DLG2: variants seen among roughly 807,000 people sequenced by gnomAD.
DLG2 encodes the protein disks large homolog 2.
A neutral mutation model predicts 132.5 loss-of-function variants in DLG2; 45 were observed. The observed-to-expected ratio is 0.34, with a 90% CI of 0.27 to 0.44. DLG2 has a LOEUF of 0.44. DLG2 is among the 20% of genes least tolerant of loss of function. DLG2 has a pLI of 1.00. For missense variants in DLG2, 1,045 were observed against 1,196.9 expected, an observed-to-expected ratio of 0.87 and a Z score of 1.87; for synonymous variants, 424 against 419.6, an observed-to-expected ratio of 1.01 and a Z score of -0.13.
chr11:84,315,606 A>G (rs1399852513), intron 7 of DLG2, among the ~76,000 whole-genome samples: 3 of 152,144 alleles, frequency 2.0e-5, no homozygotes, highest in African/African-American at 7.2e-5. Flanking sequence ...TAATAACTGC[A>G]TTTCTAAATG....
chr11:84,540,311 C>T (rs1391440068), intron 6 of DLG2, among the ~76,000 whole-genome samples: 2 of 151,250 alleles, frequency 1.3e-5, no homozygotes, highest in African/African-American at 2.4e-5. Flanking sequence ...GGGCTAATAT[C>T]CAGAATCCAC....
In DLG2 at chr11:83,770,755, T is replaced by C. The variant is rs77140458; in HGVS notation, c.1825+15935A>G. ...GTAAAATTTTACTTTTTATTTTTGG[T>C]TTATAGTTAAGAAAGTCAAAGATGG... On this transcript the variant is annotated intron_variant, in intron 18 of 27. Transcript: ENST00000376104. Among the ~76,000 whole-genome samples the C allele has an allele frequency of 7.4e-3, 1,128 of 152,294 alleles. 10 individuals are homozygous for C. Among genetic ancestry groups the C allele is most frequent in the African/African-American group, 0.025 (1,046 of 41,544 alleles).
intron 8 of DLG2, among the ~76,000 whole-genome samples, chr11:84,213,531 T>C (rs538793518): frequency 4.9e-4 from 75 of 151,906 alleles, no homozygotes; most frequent in Non-Finnish European, 8.4e-4. Context: ...TTAGAATGTA[T>C]GTAAGAGGCC....
intron 3 of DLG2, among the ~76,000 whole-genome samples, chr11:85,566,351 C>A (rs2077524511): frequency 6.6e-6 from 1 of 152,022 alleles, no homozygotes; most frequent in East Asian, 1.9e-4. Context: ...TCTCTTCTTT[C>A]TTTTCCTGCT....
rs577421496 is a variant in DLG2, at chr11:84,425,178, T to C, written c.519+109392A>G. 2.6e-5 allele frequency among the ~76,000 whole-genome samples: 4 copies of C among 152,208 alleles called. No individual in the cohort carries two copies. The South Asian group carries it at 8.3e-4, about 32-fold the overall frequency. On this transcript the variant is annotated intron_variant, in intron 7 of 27. Coordinates refer to ENST00000376104, the MANE Select transcript of DLG2 (RefSeq NM_001142699.3). ...AAGGGGCAAATGAGTATTTGTTGAATTGTTAATTGACTTCAAAGGCTGCAG... is the reference window on the plus strand; with the variant it reads ...AAGGGGCAAATGAGTATTTGTTGAACTGTTAATTGACTTCAAAGGCTGCAG...
At chr11:85,007,442 C>T (rs533234820) in intron 6 of DLG2, among the ~76,000 whole-genome samples, 110 of 151,762 alleles carry the variant, frequency 7.2e-4, no homozygotes, top group African/African-American at 2.4e-3. Context: ...GGGTGGATCA[C>T]GAGGTCAGGA....
At chr11:83,831,065 T>C (rs2054355107) in intron 17 of DLG2, among the ~76,000 whole-genome samples, 1 of 152,240 alleles carries the variant, frequency 6.6e-6, no homozygotes, top group Non-Finnish European at 1.5e-5. Context: ...CACTTTTTCA[T>C]TCGATAAACA....
chr11:85,112,795 G>A (rs776260923), intron 5 of DLG2, among the ~76,000 whole-genome samples: 22 of 152,114 alleles, frequency 1.4e-4, no homozygotes, highest in Non-Finnish European at 2.9e-4. Context: ...GCTGACTCTG[G>A]TGCCCATGTA....
intron 6 of DLG2, among the ~76,000 whole-genome samples, chr11:84,812,210 A>C (rs1168514582): frequency 1.3e-5 from 2 of 152,178 alleles, no homozygotes; most frequent in African/African-American, 4.8e-5. Flanking sequence ...AATGTACTTA[A>C]ATCTTTCTCA....
intron 19 of DLG2, among the ~76,000 whole-genome samples, chr11:83,577,451 C>T (rs1199120256): frequency 1.6e-5 from 2 of 126,704 alleles, no homozygotes; most frequent in Non-Finnish European, 3.1e-5. Context: ...TATATAGGAA[C>T]TAATAGGATA....
chr11:85,151,103 A>T (rs900237861), intron 5 of DLG2, among the ~76,000 whole-genome samples: 2 of 152,072 alleles, frequency 1.3e-5, no homozygotes, highest in African/African-American at 4.8e-5. Context: ...TTTGATTGGC[A>T]TTTCCCTCAT....
At chr11:84,414,262 T>A (rs1465627225) in intron 7 of DLG2, among the ~76,000 whole-genome samples, 3 of 152,248 alleles carry the variant, frequency 2.0e-5, no homozygotes, top group African/African-American at 7.2e-5. Context: ...TGTTATCATT[T>A]TATTATAATC....
intron 4 of DLG2, among the ~76,000 whole-genome samples, chr11:85,155,048 C>T (rs2077502285): frequency 6.6e-6 from 1 of 152,226 alleles, no homozygotes; most frequent in South Asian, 2.1e-4. Flanking sequence ...TCAGAACTAG[C>T]AGTGGCATTG....
At chr11:83,790,476 A>G in intron 17 of DLG2, 1 of 1,218,930 alleles carries the variant, frequency 8.2e-7, no homozygotes. Context: ...GCTTGTCACT[A>G]CCATGGGACC....
At chr11:83,475,391 T>C (rs557022213) in intron 22 of DLG2, among the ~76,000 whole-genome samples, 1 of 152,206 alleles carries the variant, frequency 6.6e-6, no homozygotes, top group East Asian at 1.9e-4. Flanking sequence ...TTGAGGTAGG[T>C]ACTCTGATGA....
At chr11:85,441,588 C>T (rs1328738334) in intron 3 of DLG2, among the ~76,000 whole-genome samples, 2 of 152,094 alleles carry the variant, frequency 1.3e-5, no homozygotes, top group Non-Finnish European at 2.9e-5. Flanking sequence ...ATATGTTAAG[C>T]TCTGAATATA....
intron 6 of DLG2, among the ~76,000 whole-genome samples, chr11:85,006,092 T>C (rs943525798): frequency 1.3e-5 from 2 of 152,220 alleles, no homozygotes; most frequent in Non-Finnish European, 2.9e-5. Flanking sequence ...TCTTGGTGGA[T>C]AAGCTTTTTT....
At chr11:84,439,500 C>G (rs889371577) in intron 7 of DLG2, among the ~76,000 whole-genome samples, 3 of 152,162 alleles carry the variant, frequency 2.0e-5, no homozygotes, top group Non-Finnish European at 4.4e-5. Flanking sequence ...ATTTCTTTTG[C>G]TCTATGCTCC....
chr11:84,926,875 G>C (rs921797490), intron 6 of DLG2, among the ~76,000 whole-genome samples: 2 of 152,010 alleles, frequency 1.3e-5, no homozygotes, highest in African/African-American at 4.8e-5. Flanking sequence ...TTTCTGAATT[G>C]ATCTTAGATC....
Sources: gnomAD v4.1 joint callset for allele counts (sites outside exome capture counted in the v4.1 genomes callset) on GRCh38, gnomAD v4.1.1 for gene constraint, MANE v1.5 for transcripts, NCBI Gene and HGNC (gene_info 2026-07-23, HGNC 2026-07-21) for gene names.